PRKCA: variants seen among roughly 807,000 people sequenced by gnomAD.
The protein encoded by PRKCA is protein kinase C alpha, also known as protein kinase C alpha type.
A neutral mutation model predicts 87.0 loss-of-function variants in PRKCA; 27 were observed. That is an observed-to-expected ratio of 0.31 (90% CI 0.23 to 0.43). PRKCA has a LOEUF of 0.43. PRKCA is among the 20% of genes least tolerant of loss of function. The pLI is 1.00. For missense variants in PRKCA, 518 were observed against 852.3 expected, an observed-to-expected ratio of 0.61 and a Z score of 4.88; for synonymous variants, 329 against 311.1, an observed-to-expected ratio of 1.06 and a Z score of -0.61.
At chr17:66,643,934 A>G (rs1567951162) in intron 4 of PRKCA, among the ~76,000 whole-genome samples, 1 of 152,178 alleles carries the variant, frequency 6.6e-6, no homozygotes, top group Non-Finnish European at 1.5e-5. Flanking sequence ...GCTTCCCAAG[A>G]TATACAGCAG....
rs555261661 is a variant in PRKCA at position 66,800,126 on chromosome 17, G to A, written c.1855-3747G>A. ...GGTTCAGTTTCTACTGTTCGCCCTC[G>A]GCCTGTGCCTGCCTCTTATCTCTCC... is the stretch of plus-strand genomic sequence containing the variant. On this transcript the variant is annotated intron_variant, in intron 16 of 16. Transcript: ENST00000413366. 9.2e-5 allele frequency among the ~76,000 whole-genome samples: 14 copies of A among 152,238 alleles called. No homozygotes were observed. The South Asian group carries it at 1.0e-3, about 11-fold the overall frequency.
chr17:66,679,174 C>CTTTTTTTTTTTTTTTT (rs10714678), intron 5 of PRKCA, among the ~76,000 whole-genome samples: 1 of 121,056 alleles, frequency 8.3e-6, no homozygotes, highest in Non-Finnish European at 1.7e-5. Flanking sequence ...ACACTCACAC[C>CTTTTTTTTTTTTTTTT]TTTTTTTTTT....
intron 2 of PRKCA, among the ~76,000 whole-genome samples, chr17:66,396,631 C>CTT (rs10626483): frequency 0.7 from 95,995 of 137,070 alleles, 34,770 homozygotes; most frequent in South Asian, 0.83. Context: ...CATTCTCTCT[C>CTT]TTTTTTTTTT....
intron 2 of PRKCA, among the ~76,000 whole-genome samples, chr17:66,479,998 T>G (rs1195289433): frequency 6.9e-6 from 1 of 144,782 alleles, no homozygotes. Context: ...CCCCTGAACT[T>G]AAAAAAAAAA....
chr17:66,585,064 GGA>G (rs113635574), intron 3 of PRKCA, among the ~76,000 whole-genome samples: 50,145 of 150,576 alleles, frequency 0.33, 8,701 homozygotes, highest in South Asian at 0.37. Context: ...AAATGCATGG[GGA>G]GGGGGGGGTG....
intron 3 of PRKCA, among the ~76,000 whole-genome samples, chr17:66,518,903 A>G (rs1598737040): frequency 1.3e-5 from 2 of 152,170 alleles, no homozygotes; most frequent in African/African-American, 4.8e-5. Flanking sequence ...CCTGAAATGG[A>G]GAGTTACTGC....
At chr17:66,371,256 C>G (rs899876904) in intron 2 of PRKCA, among the ~76,000 whole-genome samples, 7 of 152,260 alleles carry the variant, frequency 4.6e-5, no homozygotes, top group Middle Eastern at 3.4e-3. Context: ...CTGACCCTAC[C>G]CTGGAGTCAC....
intron 2 of PRKCA, among the ~76,000 whole-genome samples, chr17:66,397,729 A>G (rs1039058917): frequency 6.6e-5 from 10 of 152,122 alleles, no homozygotes; most frequent in Non-Finnish European, 8.8e-5. Flanking sequence ...CAAGATGTGT[A>G]GTCTGTAATG....
intron 2 of PRKCA, among the ~76,000 whole-genome samples, chr17:66,432,762 T>C (rs1282097119): frequency 1.3e-5 from 2 of 152,166 alleles, no homozygotes; most frequent in Non-Finnish European, 2.9e-5. Context: ...ACCAGTGCAC[T>C]GAGCAGGTCA....
intron 5 of PRKCA, among the ~76,000 whole-genome samples, chr17:66,677,567 GTGAAC>G (rs1972372750): frequency 6.6e-6 from 1 of 152,138 alleles, no homozygotes; most frequent in South Asian, 2.1e-4. Flanking sequence ...ACACTAATAG[GTGAAC>G]CTGAATGCAG....
At chr17:66,566,214 T>G (rs1040318324) in intron 3 of PRKCA, among the ~76,000 whole-genome samples, 1 of 152,172 alleles carries the variant, frequency 6.6e-6, no homozygotes, top group Admixed American at 6.5e-5. Flanking sequence ...ATACCTGGAT[T>G]CCTTCTTTCA....
chr17:66,638,630 C>T (rs566272116), intron 3 of PRKCA, among the ~76,000 whole-genome samples: 2 of 152,144 alleles, frequency 1.3e-5, no homozygotes, highest in East Asian at 3.9e-4. Context: ...AGGTGGATCA[C>T]GAGGTCAGGA....
chr17:66,383,492 G>A (rs1014985171), intron 2 of PRKCA, among the ~76,000 whole-genome samples: 9 of 152,188 alleles, frequency 5.9e-5, no homozygotes, highest in South Asian at 4.1e-4. Flanking sequence ...GATCATTGTC[G>A]TCACAACCCT....
At chr17:66,491,656 C>G (rs1008572111) in intron 2 of PRKCA, among the ~76,000 whole-genome samples, 39 of 152,290 alleles carry the variant, frequency 2.6e-4, no homozygotes, top group African/African-American at 8.9e-4. Flanking sequence ...GATTTTTAGC[C>G]AGGGGAAACC....
chr17:66,463,651 T>TC (rs1914958360), intron 2 of PRKCA, among the ~76,000 whole-genome samples: 1 of 152,218 alleles, frequency 6.6e-6, no homozygotes, highest in Non-Finnish European at 1.5e-5. Flanking sequence ...TGCCTTGGCC[T>TC]CCCAAAGTGC....
intron 2 of PRKCA, among the ~76,000 whole-genome samples, chr17:66,470,737 T>C (rs958229946): frequency 1.3e-5 from 2 of 152,152 alleles, no homozygotes; most frequent in Admixed American, 1.3e-4. Flanking sequence ...AGGATTTAAT[T>C]ATTAGGGGGA....
intron 2 of PRKCA, among the ~76,000 whole-genome samples, chr17:66,489,039 A>C (rs933495226): frequency 9.2e-5 from 14 of 152,116 alleles, no homozygotes; most frequent in Admixed American, 3.3e-4. Context: ...AATCCCTTCC[A>C]GCTAAGCAAA....
At chr17:66,722,256 G>C (rs569488099) in intron 8 of PRKCA, among the ~76,000 whole-genome samples, 1 of 152,174 alleles carries the variant, frequency 6.6e-6, no homozygotes, top group Non-Finnish European at 1.5e-5. Context: ...CTGTTAAGGT[G>C]GGTTAGACTG....
intron 2 of PRKCA, among the ~76,000 whole-genome samples, chr17:66,331,783 T>G (rs1906340261): frequency 6.6e-6 from 1 of 152,090 alleles, no homozygotes; most frequent in African/African-American, 2.4e-5. Context: ...AATGAGAAAG[T>G]CTTACGAGTG....
Sources: gnomAD v4.1 joint callset for allele counts (sites outside exome capture counted in the v4.1 genomes callset) on GRCh38, gnomAD v4.1.1 for gene constraint, MANE v1.5 for transcripts, NCBI Gene and HGNC (gene_info 2026-07-23, HGNC 2026-07-21) for gene names.